UBE2L3: variants seen among roughly 807,000 people sequenced by gnomAD.
UBE2L3 encodes the protein ubiquitin-conjugating enzyme E2 L3.
UBE2L3 carries 1 observed loss-of-function variant against 17.8 expected under a neutral mutation model. The ratio of observed to expected loss-of-function variants is 0.06; its 90% CI spans 0.02 to 0.27. The LOEUF (loss-of-function observed/expected upper bound fraction) is 0.27, where lower values mean the gene tolerates loss of function less well. Among genes scored for constraint, UBE2L3 ranks in the 10% least tolerant of loss-of-function variants. UBE2L3 has a pLI of 1.00. For synonymous variants in UBE2L3, 44 were observed against 68.5 expected, an observed-to-expected ratio of 0.64 and a Z score of 1.76; for missense variants, 40 against 192.6, an observed-to-expected ratio of 0.21 and a Z score of 4.69.
upstream of UBE2L3, among the ~76,000 whole-genome samples, chr22:21,565,578 C>T (rs1022713918): frequency 6.6e-6 from 1 of 150,586 alleles, no homozygotes; most frequent in Non-Finnish European, 1.5e-5. Context: ...AATGCTAAAA[C>T]CCTGTCTCTA....
intron 1 of UBE2L3, among the ~76,000 whole-genome samples, chr22:21,575,615 C>T (rs996828132): frequency 7.5e-6 from 1 of 133,006 alleles, no homozygotes; most frequent in Non-Finnish European, 1.6e-5. Flanking sequence ...TTACTTTTCC[C>T]AACAAAGTTG....
At chr22:21,590,979 G>C (rs1165551727) in intron 1 of UBE2L3, among the ~76,000 whole-genome samples, 2 of 152,338 alleles carry the variant, frequency 1.3e-5, no homozygotes, top group Middle Eastern at 3.4e-3. Context: ...TCTATTTGGA[G>C]AGTGGAAGGA....
chr22:21,551,990 A>AATAC (rs1315864492), intron 1 of UBE2L3, among the ~76,000 whole-genome samples: 3 of 72,590 alleles, frequency 4.1e-5, no homozygotes, highest in Non-Finnish European at 7.8e-5. Context: ...GAACTGAAGA[A>AATAC]ATACACACAC....
At chr22:21,607,990 T>C (rs1261316272) in intron 2 of UBE2L3, among the ~76,000 whole-genome samples, 1 of 152,186 alleles carries the variant, frequency 6.6e-6, no homozygotes, top group African/African-American at 2.4e-5. Flanking sequence ...TACTTGTATC[T>C]TCAGAAAAGA....
chr22:21,590,031 T>C (rs1928171728), intron 1 of UBE2L3, among the ~76,000 whole-genome samples: 1 of 152,114 alleles, frequency 6.6e-6, no homozygotes, highest in African/African-American at 2.4e-5. Context: ...CCAGTAAGTG[T>C]CCTTTCTGCA....
intron 1 of UBE2L3, among the ~76,000 whole-genome samples, chr22:21,584,315 C>G (rs1408664045): frequency 6.6e-6 from 1 of 150,994 alleles, no homozygotes; most frequent in Non-Finnish European, 1.5e-5. Flanking sequence ...GTAGCTGGGA[C>G]TACAGGTGTC....
intron 1 of UBE2L3, among the ~76,000 whole-genome samples, chr22:21,576,217 C>T (rs887736693): frequency 2.6e-5 from 4 of 151,340 alleles, no homozygotes; most frequent in African/African-American, 9.7e-5. Flanking sequence ...CGGGTTCAAG[C>T]AATTCTTCTG....
At chr22:21,594,837 G>A (rs945033304) in intron 2 of UBE2L3, among the ~76,000 whole-genome samples, 1 of 152,118 alleles carries the variant, frequency 6.6e-6, no homozygotes, top group Non-Finnish European at 1.5e-5. Context: ...TTTTCTAATT[G>A]AGATTGTGTA....
intron 3 of UBE2L3, among the ~76,000 whole-genome samples, chr22:21,620,643 G>A (rs192838939): frequency 1.0e-3 from 158 of 152,224 alleles, no homozygotes; most frequent in Non-Finnish European, 1.8e-3. Flanking sequence ...GGAGTACTGT[G>A]GCACCCATCA....
intron 3 of UBE2L3, among the ~76,000 whole-genome samples, chr22:21,613,051 C>T (rs570510913): frequency 2.6e-5 from 4 of 152,134 alleles, no homozygotes; most frequent in Non-Finnish European, 4.4e-5. Flanking sequence ...GTTAACCCAT[C>T]GTGCCTGGGG....
At chr22:21,587,315 C>T (rs572182311) in intron 1 of UBE2L3, among the ~76,000 whole-genome samples, 4 of 152,226 alleles carry the variant, frequency 2.6e-5, no homozygotes, top group African/African-American at 7.2e-5. Context: ...CTCAGCCTCC[C>T]GAGTAGCCGG....
chr22:21,563,912 C>G (rs556991605), upstream of UBE2L3, among the ~76,000 whole-genome samples: 2 of 152,062 alleles, frequency 1.3e-5, no homozygotes, highest in African/African-American at 4.8e-5. Context: ...TTCTATGTTG[C>G]CCAGGCCGGT....
chr22:21,600,037 C>T (rs971279735), intron 2 of UBE2L3, among the ~76,000 whole-genome samples: 3 of 152,052 alleles, frequency 2.0e-5, no homozygotes, highest in South Asian at 2.1e-4. Context: ...CCTGGCCGGG[C>T]GCGGTGGCTC....
intron 2 of UBE2L3, among the ~76,000 whole-genome samples, chr22:21,603,354 C>T (rs950196058): frequency 9.2e-5 from 14 of 151,464 alleles, no homozygotes; most frequent in African/African-American, 3.4e-4. Flanking sequence ...ATGGTGAAAC[C>T]TTGTCTCTAG....
upstream of UBE2L3, among the ~76,000 whole-genome samples, chr22:21,566,958 G>A (rs957260570): frequency 2.6e-5 from 4 of 152,106 alleles, no homozygotes; most frequent in Admixed American, 1.3e-4. Context: ...TGTTTATTGT[G>A]AAATGAGGAT....
upstream of UBE2L3, among the ~76,000 whole-genome samples, chr22:21,565,754 C>CAAAAAAAAAAAAAAAAAAAAA (rs131662): frequency 3.3e-5 from 1 of 30,276 alleles, no homozygotes; most frequent in African/African-American, 1.1e-4. Context: ...AACTGTGTCT[C>CAAAAAAAAAAAAAAAAAAAAA]AAAAAAAAAA....
At chr22:21,600,675 G>A (rs939604621) in intron 2 of UBE2L3, among the ~76,000 whole-genome samples, 10 of 152,060 alleles carry the variant, frequency 6.6e-5, no homozygotes. Context: ...CAGCCTGGGC[G>A]ACAGAGTGAG....
intron 1 of UBE2L3, 119 bp downstream of exon 1, chr22:21,567,890 G>C: frequency 6.5e-7 from 1 of 1,532,778 alleles, no homozygotes; most frequent in Non-Finnish European, 8.8e-7. Flanking sequence ...ACACGGCCTC[G>C]TCGGTTCCCT....
At position 21,599,428 on chromosome 22, in the gene UBE2L3, G is replaced by A. The variant is rs1487407856; in HGVS notation, c.123+6472G>A. The stretch of plus-strand genomic sequence containing the variant: ...AGTATCCCCCTACATTGATGGGGCT[G>A]TTGAGCTCCTATCACAGCCAGACAC... On this transcript the variant is annotated intron_variant, in intron 2 of 3. Transcript: ENST00000342192. 2.0e-5 allele frequency among the ~76,000 whole-genome samples: 3 copies of A among 152,136 alleles called. No individual in the cohort carries two copies. In the East Asian group the frequency reaches 5.8e-4, roughly 29 times the overall value.
Sources: allele counts gnomAD v4.1 joint callset (sites outside exome capture counted in the v4.1 genomes callset), GRCh38; gene constraint gnomAD v4.1.1; transcripts MANE v1.5; gene names NCBI Gene and HGNC (gene_info 2026-07-23, HGNC 2026-07-21).